MEIG1: variants seen among roughly 807,000 people sequenced by gnomAD.
The protein encoded by MEIG1 is meiosis expressed gene 1 protein homolog.
Under a neutral mutation model 11.3 loss-of-function variants are expected in MEIG1, and 12 were observed. The ratio of observed to expected loss-of-function variants is 1.07; its 90% CI spans 0.68 to 1.73. The LOEUF (loss-of-function observed/expected upper bound fraction) is 1.73, where lower values mean the gene tolerates loss of function less well. Ranked by LOEUF, MEIG1 falls within the 40% of genes most tolerant of loss-of-function variation. The probability of loss-of-function intolerance (pLI) is 0.00; values close to 1 mark genes in which losing one functional copy is unlikely to be tolerated. For missense variants in MEIG1, 119 were observed against 104.9 expected, an observed-to-expected ratio of 1.13 and a Z score of -0.59; for synonymous variants, 41 against 33.2, an observed-to-expected ratio of 1.24 and a Z score of -0.81.
At chr10:14,978,170 G>A (rs1445086238) in intron 1 of MEIG1, among the ~76,000 whole-genome samples, 1 of 151,536 alleles carries the variant, frequency 6.6e-6, no homozygotes, top group Non-Finnish European at 1.5e-5. Flanking sequence ...GATACCACTC[G>A]CAATATCCAC....
chr10:14,975,057 G>A (rs537435346), downstream of MEIG1, among the ~76,000 whole-genome samples: 9 of 151,814 alleles, frequency 5.9e-5, 1 homozygote, highest in Middle Eastern at 3.4e-3. Context: ...ATATTGATCC[G>A]AATCTCATCT....
At chr10:14,982,620 C>A (rs1843276402) in intron 1 of MEIG1, among the ~76,000 whole-genome samples, 1 of 152,158 alleles carries the variant, frequency 6.6e-6, no homozygotes, top group South Asian at 2.1e-4. Context: ...GACCATCCTC[C>A]TCTATCCCAG....
intron 1 of MEIG1, among the ~76,000 whole-genome samples, chr10:14,986,119 C>T (rs894799769): frequency 2.0e-5 from 3 of 152,144 alleles, no homozygotes; most frequent in South Asian, 2.1e-4. Context: ...TGGGTCTTCA[C>T]CCTGTGATAT....
At chr10:14,985,927 T>C (rs775055997) in intron 1 of MEIG1, among the ~76,000 whole-genome samples, 8 of 152,186 alleles carry the variant, frequency 5.3e-5, no homozygotes, top group Non-Finnish European at 1.0e-4. Context: ...ACCCTTGATA[T>C]TAGTCTTAAT....
At chr10:14,958,674 A>C (rs1042187936), upstream of MEIG1, among the ~76,000 whole-genome samples, 2 of 152,168 alleles carry the variant, frequency 1.3e-5, no homozygotes, top group African/African-American at 4.8e-5. Flanking sequence ...AGGCGGGTGG[A>C]TGACGAGGTC....
At chr10:14,963,102 T>TC (rs1273887987) in intron 1 of MEIG1, among the ~76,000 whole-genome samples, 3 of 150,816 alleles carry the variant, frequency 2.0e-5, no homozygotes, top group Non-Finnish European at 4.4e-5. Context: ...CTTTTTTTTT[T>TC]CTCTCTTAAT....
chr10:14,985,031 G>C (rs1843304451), intron 1 of MEIG1, among the ~76,000 whole-genome samples: 2 of 151,768 alleles, frequency 1.3e-5, no homozygotes, highest in African/African-American at 4.8e-5. Flanking sequence ...TATTCGTATT[G>C]TCTTGAAGAG....
chr10:14,966,776 T>C (rs890794010), intron 2 of MEIG1, among the ~76,000 whole-genome samples, 170 bp downstream of exon 2: 2 of 152,254 alleles, frequency 1.3e-5, no homozygotes, highest in Non-Finnish European at 2.9e-5. Flanking sequence ...AGTCTCATTC[T>C]GTCACCCAGG....
At position 14,972,530 on chromosome 10, in the gene MEIG1, G is replaced by A. The variant is rs1052462422; in HGVS notation, c.156G>A (p.Glu52=). 6 of 1,613,938 alleles carry A rather than the reference G, an allele frequency of 3.7e-6. No individual in the cohort carries two copies. In the Admixed American group the frequency reaches 6.7e-5, roughly 18 times the overall value. Reference sequence around the variant, plus strand: ...ATGTGCAGGTAGATCGTTGGCCGGAGACAGGATATGTGAAGAAACTTCAGA... The same window carrying A: ...ATGTGCAGGTAGATCGTTGGCCGGAAACAGGATATGTGAAGAAACTTCAGA... ...KQVSMVDRWP[E]TGYVKKLQRR... Residue 52 remains glutamate (E), a synonymous_variant, in exon 3 of 3, where the codon GAG becomes GAA. Transcript: ENST00000407572.
At chr10:14,973,535 C>T (rs187632649), downstream of MEIG1, among the ~76,000 whole-genome samples, 214 of 152,070 alleles carry the variant, frequency 1.4e-3, no homozygotes, top group Non-Finnish European at 2.6e-3. Context: ...TTTGGGAGGC[C>T]GAGGAGGGTG....
chr10:14,981,945 G>C (rs555695867), intron 1 of MEIG1, among the ~76,000 whole-genome samples: 8 of 152,090 alleles, frequency 5.3e-5, no homozygotes, highest in African/African-American at 1.7e-4. Context: ...TTTTCCTCGC[G>C]GCTTACTGCA....
chr10:14,975,662 T>C (rs142139629), downstream of MEIG1, among the ~76,000 whole-genome samples: 2,436 of 152,172 alleles, frequency 0.016, 35 homozygotes, highest in Non-Finnish European at 0.02. Context: ...CCCTGTGATA[T>C]GATCCTTAAT....
chr10:14,961,759 C>T (rs1046076529), intron 1 of MEIG1, among the ~76,000 whole-genome samples: 8 of 150,356 alleles, frequency 5.3e-5, no homozygotes, highest in African/African-American at 2.0e-4. Flanking sequence ...GGATTACAGG[C>T]GTGAGCCACC....
intron 1 of MEIG1, among the ~76,000 whole-genome samples, chr10:14,982,708 C>T (rs1445744564): frequency 2.0e-5 from 3 of 151,962 alleles, no homozygotes; most frequent in Non-Finnish European, 2.9e-5. Context: ...GGTGGAATGA[C>T]GCAATGTTAC....
At chr10:14,971,266 A>T (rs975505295) in intron 2 of MEIG1, among the ~76,000 whole-genome samples, 11 of 149,240 alleles carry the variant, frequency 7.4e-5, no homozygotes, top group South Asian at 2.1e-4. Flanking sequence ...AGAAGAAATT[A>T]AAAAAAAGAT....
chr10:14,954,627 C>G (rs1842887993), upstream of MEIG1, among the ~76,000 whole-genome samples: 1 of 152,140 alleles, frequency 6.6e-6, no homozygotes. Flanking sequence ...ATCATCTCTG[C>G]GTGATCTTGG....
At chr10:14,974,228 C>T (rs1174199707), downstream of MEIG1, among the ~76,000 whole-genome samples, 5 of 152,090 alleles carry the variant, frequency 3.3e-5, no homozygotes, top group African/African-American at 9.7e-5. Context: ...GGGGTTTTGA[C>T]AATCAGCTGG....
At chr10:14,964,608 T>C (rs1369576285) in intron 1 of MEIG1, among the ~76,000 whole-genome samples, 943 of 90,670 alleles carry the variant, frequency 0.01, 5 homozygotes, top group Middle Eastern at 0.042. Flanking sequence ...TATATATATA[T>C]ACACACACAC....
At chr10:14,984,948 C>T (rs1050160128) in intron 1 of MEIG1, among the ~76,000 whole-genome samples, 1 of 151,960 alleles carries the variant, frequency 6.6e-6, no homozygotes, top group African/African-American at 2.4e-5. Flanking sequence ...GCGTGTAGAC[C>T]CTGTCATGAA....
Sources: allele counts gnomAD v4.1 joint callset (sites outside exome capture counted in the v4.1 genomes callset), GRCh38; gene constraint gnomAD v4.1.1; transcripts MANE v1.5; gene names NCBI Gene and HGNC (gene_info 2026-07-23, HGNC 2026-07-21).